PARM1: variants seen among roughly 807,000 people sequenced by gnomAD.
PARM1 encodes the protein prostate androgen-regulated mucin-like protein 1, also known as WSC4, cell wall integrity and stress response component 4 homolog.
In PARM1, 14 loss-of-function variants were observed where a neutral mutation model predicts 24.6. The ratio of observed to expected loss-of-function variants is 0.57; its 90% CI spans 0.38 to 0.89. PARM1 has a LOEUF of 0.89. PARM1 is among the 40% of genes least tolerant of loss of function. PARM1 has a pLI of 0.00. For synonymous variants in PARM1, 179 were observed against 156.6 expected, an observed-to-expected ratio of 1.14 and a Z score of -1.07; for missense variants, 362 against 380.4, an observed-to-expected ratio of 0.95 and a Z score of 0.40.
chr4:75,021,622 C>T (rs535430090), intron 2 of PARM1, among the ~76,000 whole-genome samples: 7 of 152,204 alleles, frequency 4.6e-5, no homozygotes, highest in African/African-American at 1.7e-4. Context: ...CACCCTCCAC[C>T]CTCAACTAGG....
intron 2 of PARM1, among the ~76,000 whole-genome samples, chr4:75,023,850 TAGA>T (rs1723131762): frequency 6.6e-6 from 1 of 152,228 alleles, no homozygotes; most frequent in Non-Finnish European, 1.5e-5. Flanking sequence ...AGTTGAGACC[TAGA>T]AGTTGTACTC....
In PARM1 at chr4:75,018,360, T is replaced by C. The variant is rs28715989; in HGVS notation, c.769+5210T>C. 2.6e-3 allele frequency among the ~76,000 whole-genome samples: 390 copies of C among 152,314 alleles called. 1 individual carries two copies. Among genetic ancestry groups the C allele is most frequent in the Non-Finnish European group, 4.3e-3 (290 of 68,018 alleles). On this transcript the variant is annotated intron_variant, in intron 2 of 3. Coordinates refer to ENST00000307428, the MANE Select transcript of PARM1 (RefSeq NM_015393.4). ...GGCCATTTATAGTCACCAAAGTCTT[T>C]TGATCAGGGGAAGAACATATTGAGA... is the stretch of plus-strand genomic sequence containing the variant.
chr4:74,933,218 C>G lies in PARM1; in HGVS notation c.-110C>G. 1 of 906,392 alleles carries G rather than the reference C, an allele frequency of 1.1e-6. No homozygotes were observed. The highest frequency in any genetic ancestry group is 1.5e-5 in the South Asian group (1 of 66,842). The allele number at this position is 906,392 out of a possible 1,614,324, so 56.1% of individuals were successfully genotyped here. ...CTGGAGCTGTTCGCGCCTCCCGGCTCCCACCGCAGCCCACCCGGCAGAGGA... is the reference window on the plus strand; with the variant it reads ...CTGGAGCTGTTCGCGCCTCCCGGCTGCCACCGCAGCCCACCCGGCAGAGGA... On this transcript the variant is annotated 5_prime_UTR_variant, in exon 1 of 4. Transcript: ENST00000307428.
chr4:75,017,381 G>C (rs1352838793), intron 2 of PARM1, among the ~76,000 whole-genome samples: 1 of 152,094 alleles, frequency 6.6e-6, no homozygotes, highest in Non-Finnish European at 1.5e-5. Context: ...CAGTCTTACT[G>C]CTTCTTGAAC....
chr4:75,020,464 C>T (rs968344010), intron 2 of PARM1, among the ~76,000 whole-genome samples: 5 of 151,258 alleles, frequency 3.3e-5, no homozygotes, highest in East Asian at 1.9e-4. Flanking sequence ...ATAATCCCAC[C>T]GCAATAGCCT....
intron 2 of PARM1, among the ~76,000 whole-genome samples, chr4:75,019,857 G>C (rs34980908): frequency 6.7e-6 from 1 of 149,564 alleles, no homozygotes; most frequent in Non-Finnish European, 1.5e-5. Flanking sequence ...CAAAAAATTA[G>C]CCGGGCGCGG....
At chr4:74,979,710 A>T (rs1347979678) in intron 1 of PARM1, among the ~76,000 whole-genome samples, 2 of 152,174 alleles carry the variant, frequency 1.3e-5, no homozygotes, top group African/African-American at 4.8e-5. Flanking sequence ...CAATGCAAAA[A>T]TCCTCAATAA....
chr4:75,010,823 A>T (rs1033669000), intron 1 of PARM1, among the ~76,000 whole-genome samples: 8 of 152,214 alleles, frequency 5.3e-5, no homozygotes, highest in Non-Finnish European at 1.0e-4. Context: ...AAGACCAATT[A>T]AGAGACTATT....
rs10015456 is a variant in PARM1, at chr4:75,047,642, A to T, written c.*1395A>T. 24,536 of 152,180 alleles carry T rather than the reference A, an allele frequency of 0.16. 3,224 individuals carry two copies. The highest frequency in any genetic ancestry group is 0.36 in the African/African-American group (15,008 of 41,454). 9.4% of individuals were successfully genotyped at this position (152,180 alleles called of 1,614,324 possible). A position where few individuals can be genotyped will look rare whatever the true frequency, so the allele number is the denominator to read the frequency against. On this transcript the variant is annotated 3_prime_UTR_variant, in exon 4 of 4. Coordinates refer to ENST00000307428, the MANE Select transcript of PARM1 (RefSeq NM_015393.4). Reference sequence around the variant, plus strand: ...CAAACATTCTACCATGCACAGCACAACCTACAACAGCAAAGAATCATCCAC... The same window carrying T: ...CAAACATTCTACCATGCACAGCACATCCTACAACAGCAAAGAATCATCCAC...
At chr4:75,016,745 T>G (rs966030696) in intron 2 of PARM1, among the ~76,000 whole-genome samples, 6 of 152,252 alleles carry the variant, frequency 3.9e-5, no homozygotes, top group African/African-American at 1.4e-4. Context: ...TCCTTCATTA[T>G]CCAGGTCGAG....
chr4:74,949,216 T>TC lies in PARM1; in HGVS notation c.43+15848dup, dbSNP rs1311311845. On this transcript the variant is annotated intron_variant, in intron 1 of 3. Coordinates refer to ENST00000307428, the MANE Select transcript of PARM1 (RefSeq NM_015393.4). The stretch of plus-strand genomic sequence containing the variant: ...TCCAGTACTAGCCACAGGGGAGCTT[T>TC]CCATAGGAAGGAGAAAACCCACGTT... Among the ~76,000 whole-genome samples, 39 of 152,270 alleles carry TC rather than the reference T, an allele frequency of 2.6e-4. 1 individual carries two copies. The highest frequency in any genetic ancestry group is 2.2e-3 in the Admixed American group (33 of 15,292).
At chr4:74,942,323 T>C (rs1248035030) in intron 1 of PARM1, among the ~76,000 whole-genome samples, 2 of 152,246 alleles carry the variant, frequency 1.3e-5, no homozygotes, top group Non-Finnish European at 2.9e-5. Context: ...TGCTAAACAC[T>C]GTCCAAGGCT....
chr4:74,945,973 A>G (rs1269394911), intron 1 of PARM1, among the ~76,000 whole-genome samples: 1 of 152,202 alleles, frequency 6.6e-6, no homozygotes, highest in South Asian at 2.1e-4. Flanking sequence ...TTTAGGGGTG[A>G]TCTAGGCCAA....
intron 1 of PARM1, among the ~76,000 whole-genome samples, chr4:74,983,009 G>T (rs563287848): frequency 6.6e-6 from 1 of 152,244 alleles, no homozygotes; most frequent in Non-Finnish European, 1.5e-5. Context: ...CCTCACCACT[G>T]ACATCATTTT....
chr4:75,024,064 G>A (rs1723135418), intron 2 of PARM1, among the ~76,000 whole-genome samples: 3 of 152,144 alleles, frequency 2.0e-5, no homozygotes, highest in East Asian at 1.9e-4. Context: ...GAGGTCAGGA[G>A]ATCAAGACCA....
intron 1 of PARM1, among the ~76,000 whole-genome samples, chr4:74,960,970 A>C (rs910421742): frequency 6.6e-6 from 1 of 151,290 alleles, no homozygotes; most frequent in Non-Finnish European, 1.5e-5. Flanking sequence ...GCGCCACTGC[A>C]CTCCAGCCTG....
At position 75,012,740 on chromosome 4, in the gene PARM1, CCACGTTGGAGGAA is replaced by C. The variant is rs1560791863; in HGVS notation, c.363_375del (p.Leu122AlafsTer56). 10 of 1,613,974 alleles carry C rather than the reference CCACGTTGGAGGAA, an allele frequency of 6.2e-6. No individual in the cohort carries two copies. The highest frequency in any genetic ancestry group is 5.9e-6 in the Non-Finnish European group (7 of 1,179,882). ...ACAAGCGGTGGAGTCCACTTAACAA[CCACGTTGGAGGAA>C]CACAGCTCGGGCACTCCTGAAGCAG... On this transcript the variant is annotated frameshift_variant, in exon 2 of 4. Transcript: ENST00000307428. LOFTEE classifies it high-confidence loss of function.
chr4:74,998,122 C>T (rs1406356160), intron 1 of PARM1, among the ~76,000 whole-genome samples: 1 of 152,200 alleles, frequency 6.6e-6, no homozygotes, highest in Non-Finnish European at 1.5e-5. Flanking sequence ...GTGCCAATGA[C>T]AACTCCCCAG....
intron 2 of PARM1, among the ~76,000 whole-genome samples, chr4:75,024,347 C>A (rs762235981): frequency 3.4e-4 from 51 of 152,130 alleles, no homozygotes; most frequent in African/African-American, 1.2e-3. Context: ...CTAGGAGGTC[C>A]CTGAGTCCTT....
Sources: allele counts gnomAD v4.1 joint callset (sites outside exome capture counted in the v4.1 genomes callset), GRCh38; gene constraint gnomAD v4.1.1; transcripts MANE v1.5; gene names NCBI Gene and HGNC (gene_info 2026-07-23, HGNC 2026-07-21).